CCL25: variants seen among roughly 807,000 people sequenced by gnomAD.
The protein encoded by CCL25 is C-C motif chemokine 25.
In CCL25, 14 loss-of-function variants were observed where a neutral mutation model predicts 19.9. The ratio of observed to expected loss-of-function variants is 0.70; its 90% CI spans 0.47 to 1.10. CCL25 has a LOEUF of 1.10. Among genes scored for constraint, CCL25 ranks in the 50% least tolerant of loss-of-function variants. CCL25 has a pLI of 0.00. For missense variants in CCL25, 151 were observed against 181.2 expected, an observed-to-expected ratio of 0.83 and a Z score of 0.96; for synonymous variants, 68 against 73.2, an observed-to-expected ratio of 0.93 and a Z score of 0.36.
chr19:8,062,365 C>G lies in CCL25; in HGVS notation c.*140C>G. The G allele has an allele frequency of 1.2e-6, 1 of 852,608 alleles. No individual in the cohort carries two copies. The highest frequency in any genetic ancestry group is 1.9e-6 in the Non-Finnish European group (1 of 522,256). 52.8% of individuals were successfully genotyped at this position (852,608 alleles called of 1,614,324 possible). Reference sequence around the variant, plus strand: ...ATCCCTGCACCTGAGTTGGTCCTCCCTCTGCACCCCCACCACCTCCTGCCC... The same window carrying G: ...ATCCCTGCACCTGAGTTGGTCCTCCGTCTGCACCCCCACCACCTCCTGCCC... On this transcript the variant is annotated 3_prime_UTR_variant, in exon 6 of 6. Transcript: ENST00000315626.
chr19:8,058,950 G>A (rs985520943), intron 5 of CCL25, among the ~76,000 whole-genome samples: 27 of 135,232 alleles, frequency 2.0e-4, no homozygotes, highest in Middle Eastern at 7.4e-3. Flanking sequence ...GAGCCACCGC[G>A]CCCAGCCTAA....
chr19:8,056,493 T>C lies in CCL25; in HGVS notation c.319T>C (p.Phe107Leu). The change falls in exon 4 of 6, where the codon TTC (phenylalanine) becomes CTC (leucine). Residue 107 changes from phenylalanine to leucine, a missense_variant. By Grantham distance (22) the Phe-to-Leu change is conservative. Coordinates refer to ENST00000315626, the MANE Select transcript of CCL25 (RefSeq NM_005624.4). ...AAAGCTCCACCACAACACGCAGACCTTCCAAGGTGGGCAAGACCTCTGCTG... is the reference window on the plus strand; with the variant it reads ...AAAGCTCCACCACAACACGCAGACCCTCCAAGGTGGGCAAGACCTCTGCTG... ...FAKLHHNTQT[F>L]QAGPHAVKKL... 1 of 1,614,026 alleles carries C rather than the reference T, an allele frequency of 6.2e-7. No individual in the cohort carries two copies. Among genetic ancestry groups the C allele is most frequent in the Non-Finnish European group, 8.5e-7 (1 of 1,180,010 alleles).
At chr19:8,056,290 TG>T (rs570205502) in intron 3 of CCL25, 21 bp downstream of exon 3, 80 of 327,354 alleles carry the variant, frequency 2.4e-4, no homozygotes, top group African/African-American at 5.6e-4. Flanking sequence ...CCGTGGGGGC[TG>T]GGGGGGTGGG....
chr19:8,058,991 TATATA>T (rs1489199655), intron 5 of CCL25, among the ~76,000 whole-genome samples: 2 of 132,170 alleles, frequency 1.5e-5, no homozygotes, highest in Non-Finnish European at 3.1e-5. Context: ...AATATATAAA[TATATA>T]ATATAAATAT....
chr19:8,053,774 C>T (rs2081249616), intron 2 of CCL25, among the ~76,000 whole-genome samples: 1 of 152,052 alleles, frequency 6.6e-6, no homozygotes, highest in African/African-American at 2.4e-5. Flanking sequence ...GTCTCGATCT[C>T]CTGATCTCAG....
At chr19:8,054,284 G>A (rs546599145) in intron 2 of CCL25, among the ~76,000 whole-genome samples, 33 of 152,360 alleles carry the variant, frequency 2.2e-4, no homozygotes, top group African/African-American at 7.0e-4. Flanking sequence ...AAGGGGGTTG[G>A]GCTGTGGTCT....
intron 5 of CCL25, among the ~76,000 whole-genome samples, chr19:8,058,940 G>A (rs2081295130): frequency 7.3e-6 from 1 of 137,464 alleles, no homozygotes; most frequent in South Asian, 2.1e-4. Flanking sequence ...TTACAGGCGT[G>A]AGCCACCGCG....
At chr19:8,053,610 G>A (rs567254026) in intron 2 of CCL25, among the ~76,000 whole-genome samples, 14 of 149,432 alleles carry the variant, frequency 9.4e-5, no homozygotes, top group East Asian at 2.0e-4. Flanking sequence ...GTGCAGTGGC[G>A]CGATCTTGGC....
intron 5 of CCL25, among the ~76,000 whole-genome samples, chr19:8,061,136 G>A (rs2081315506): frequency 6.6e-6 from 1 of 151,784 alleles, no homozygotes; most frequent in Non-Finnish European, 1.5e-5. Context: ...TCATAGGCAT[G>A]CACCACCACT....
intron 5 of CCL25, 64 bp from the exon 6 acceptor site, chr19:8,062,154 G>A: frequency 6.5e-7 from 1 of 1,546,150 alleles, no homozygotes; most frequent in Admixed American, 1.7e-5. Context: ...AGAGACAAAT[G>A]CATATAGTTA....
intron 4 of CCL25, among the ~76,000 whole-genome samples, chr19:8,056,741 A>G (rs2081275301): frequency 6.6e-6 from 1 of 152,190 alleles, no homozygotes; most frequent in African/African-American, 2.4e-5. Flanking sequence ...GTGCAGTAGC[A>G]TGATCATAGC....
At chr19:8,057,682 C>G (rs2081282115) in intron 4 of CCL25, 119 bp from the exon 5 acceptor site, 2 of 1,406,036 alleles carry the variant, frequency 1.4e-6, no homozygotes, top group Non-Finnish European at 1.9e-6. Flanking sequence ...ATGGAAAGCT[C>G]AAGCACATGG....
chr19:8,057,469 A>T (rs931724087), intron 4 of CCL25, among the ~76,000 whole-genome samples: 1 of 152,142 alleles, frequency 6.6e-6, no homozygotes, highest in African/African-American at 2.4e-5. Flanking sequence ...AGCTGGGATT[A>T]CAGGCACACA....
Position 8,056,355 on chromosome 19 carries a change from G to A in CCL25, c.192-11G>A, listed in dbSNP as rs1267451689. On this transcript the variant is annotated splice_polypyrimidine_tract_variant and intron_variant, in intron 3 of 5. Transcript: ENST00000315626. The stretch of plus-strand genomic sequence containing the variant: ...CACCCTAACCTGGGCACCCCCCTCT[G>A]CTCACCACAGATTCTACCTCCCCAA... 1.2e-6 allele frequency: 2 copies of A among 1,612,900 alleles called. No homozygotes were observed. Among genetic ancestry groups the A allele is most frequent in the South Asian group, 1.1e-5 (1 of 90,782 alleles).
intron 4 of CCL25, 49 bp downstream of exon 4, chr19:8,056,548 G>A (rs779830844): frequency 2.0e-5 from 32 of 1,607,654 alleles, no homozygotes; most frequent in Non-Finnish European, 2.5e-5. Flanking sequence ...CTCCCTGCCT[G>A]CAAGCCCATG....
chr19:8,061,999 G>A (rs576798645), intron 5 of CCL25, among the ~76,000 whole-genome samples: 4 of 146,038 alleles, frequency 2.7e-5, no homozygotes, highest in Admixed American at 7.1e-5. Flanking sequence ...GCATTGAGCC[G>A]AGATTGCGCC....
In CCL25 at chr19:8,052,988, C is replaced by A; in HGVS notation, c.-50-12C>A. Reference sequence around the variant, plus strand: ...CTTCCTCAGTCCTTACCACTTCCCTCCACGACCCCAGGTGGCCCCGTTATT... The same window carrying A: ...CTTCCTCAGTCCTTACCACTTCCCTACACGACCCCAGGTGGCCCCGTTATT... On this transcript the variant is annotated splice_polypyrimidine_tract_variant and intron_variant, in intron 1 of 5. Transcript: ENST00000315626. 8.0e-7 allele frequency: 1 copy of A among 1,247,228 alleles called. No homozygotes were observed. The highest frequency in any genetic ancestry group is 1.1e-6 in the Non-Finnish European group (1 of 882,634). 77.3% of individuals were successfully genotyped at this position (1,247,228 alleles called of 1,614,324 possible). A position where few individuals can be genotyped will look rare whatever the true frequency, so the allele number is the denominator to read the frequency against.
At position 8,062,305 on chromosome 19, in the gene CCL25, T is replaced by A; in HGVS notation, c.*80T>A. On this transcript the variant is annotated 3_prime_UTR_variant, in exon 6 of 6. Coordinates refer to ENST00000315626, the MANE Select transcript of CCL25 (RefSeq NM_005624.4). ...AAAACCGTCGCCCTACAGACCCAGC[T>A]GTCCCCACGCCTCTGTCTTTTGGGT... 1 of 1,496,156 alleles carries A rather than the reference T, an allele frequency of 6.7e-7. No individual in the cohort carries two copies. The highest frequency in any genetic ancestry group is 9.3e-7 in the Non-Finnish European group (1 of 1,074,294). 92.7% of individuals were successfully genotyped at this position (1,496,156 alleles called of 1,614,324 possible).
intron 5 of CCL25, among the ~76,000 whole-genome samples, chr19:8,059,078 A>G (rs1288446055): frequency 5.6e-5 from 2 of 35,736 alleles, no homozygotes; most frequent in African/African-American, 1.2e-4. Context: ...AATATATAAT[A>G]TATATAATAT....
Sources: allele counts gnomAD v4.1 joint callset (sites outside exome capture counted in the v4.1 genomes callset), GRCh38; gene constraint gnomAD v4.1.1; transcripts MANE v1.5; gene names NCBI Gene and HGNC (gene_info 2026-07-23, HGNC 2026-07-21).